MGAT4B: variants seen among roughly 807,000 people sequenced by gnomAD.
MGAT4B encodes N-acetylglucosaminyltransferase IVb.
MGAT4B carries 38 observed loss-of-function variants against 73.9 expected under a neutral mutation model. That is an observed-to-expected ratio of 0.51 (90% CI 0.40 to 0.67). The LOEUF (loss-of-function observed/expected upper bound fraction) is 0.67, where lower values mean the gene tolerates loss of function less well. MGAT4B is among the 30% of genes least tolerant of loss of function. MGAT4B has a pLI of 0.00. For synonymous variants in MGAT4B, 373 were observed against 313.5 expected, an observed-to-expected ratio of 1.19 and a Z score of -2.01; for missense variants, 686 against 735.2, an observed-to-expected ratio of 0.93 and a Z score of 0.77.
At position 179,806,435 on chromosome 5, in the gene MGAT4B, G is replaced by A. The variant is rs1757161229; in HGVS notation, c.97+52C>T. 7 of 1,119,536 alleles carry A rather than the reference G, an allele frequency of 6.3e-6. No homozygotes were observed. The highest frequency in any genetic ancestry group is 2.9e-5 in the South Asian group (1 of 34,536). 69.4% of individuals were successfully genotyped at this position (1,119,536 alleles called of 1,614,324 possible). A position where few individuals can be genotyped will look rare whatever the true frequency, so the allele number is the denominator to read the frequency against. On this transcript the variant is annotated intron_variant, in intron 1 of 14. Coordinates refer to ENST00000292591, the MANE Select transcript of MGAT4B (RefSeq NM_014275.5). This position sits in a 1 kb window ranked among gnomAD's most constrained non-coding sequence, Gnocchi z 4.6. ...CGCGGCCACCGCCGGGCCCGCTCCC[G>A]CCGCCGACGCCCAGGTGCGCCAGGT...
intron 1 of MGAT4B, among the ~76,000 whole-genome samples, chr5:179,804,155 C>A (rs1757051058): frequency 6.6e-6 from 1 of 152,250 alleles, no homozygotes; most frequent in Non-Finnish European, 1.5e-5. Flanking sequence ...GTTCCCCCTG[C>A]TTCCCTCTTG....
At chr5:179,802,880 T>C (rs981961965) in intron 1 of MGAT4B, 3 of 985,384 alleles carry the variant, frequency 3.0e-6, no homozygotes, top group Non-Finnish European at 3.6e-6. Context: ...TGAAAACCTA[T>C]GTGGCCTACA....
At position 179,799,205 on chromosome 5, in the gene MGAT4B, T is replaced by G; in HGVS notation, c.1147A>C (p.Lys383Gln). Residue 383 changes from lysine to glutamine, a missense_variant and splice_region_variant, in exon 10 of 15, where the codon AAG (lysine) becomes CAG (glutamine). Lys to Gln is a moderately conservative substitution (Grantham distance 53). Around this residue, in one of 2 missense-constraint regions of MGAT4B, gnomAD observed 449 missense variants for 536.8 expected, o/e 0.84. Coordinates refer to ENST00000292591, the MANE Select transcript of MGAT4B (RefSeq NM_014275.5). ...GGAGAGCGTGCAGTGCAGCCCACCT[T>G]CAGTTTCTGGATCTTGCCAGCCAGC... ...SSLAGKIQKLKDKDFGKQALR... is the reference protein window; with the variant it reads ...SSLAGKIQKLQDKDFGKQALR... 1 of 1,613,958 alleles carries G rather than the reference T, an allele frequency of 6.2e-7. No individual in the cohort carries two copies. Among genetic ancestry groups the G allele is most frequent in the Non-Finnish European group, 8.5e-7 (1 of 1,180,018 alleles).
In MGAT4B at chr5:179,797,677, A is replaced by G; in HGVS notation, c.*368T>C. On this transcript the variant is annotated 3_prime_UTR_variant, in exon 15 of 15. Coordinates refer to ENST00000292591, the MANE Select transcript of MGAT4B (RefSeq NM_014275.5). ...TATGTGGACTTACGTGAAAAAATCA[A>G]ATGTATCCAAGAATAAAAAACACAG... is the stretch of plus-strand genomic sequence containing the variant. The G allele has an allele frequency of 4.8e-6, 1 of 206,934 alleles. No homozygotes were observed. Among genetic ancestry groups the G allele is most frequent in the Non-Finnish European group, 9.6e-6 (1 of 104,010 alleles). The allele number at this position is 206,934 out of a possible 1,614,324, so 12.8% of individuals were successfully genotyped here.
At position 179,801,366 on chromosome 5, in the gene MGAT4B, C is replaced by T; in HGVS notation, c.526G>A (p.Glu176Lys). The T allele has an allele frequency of 6.2e-7, 1 of 1,612,552 alleles. No individual in the cohort carries two copies. Among genetic ancestry groups the T allele is most frequent in the Non-Finnish European group, 8.5e-7 (1 of 1,179,454 alleles). The change falls in exon 4 of 15, where the codon GAG (glutamate) becomes AAG (lysine). Residue 176 changes from glutamate (E) to lysine (K), a missense_variant. Glu to Lys is a moderately conservative substitution (Grantham distance 56, BLOSUM62 1). Coordinates refer to ENST00000292591, the MANE Select transcript of MGAT4B (RefSeq NM_014275.5). This position sits in a 1 kb window ranked among gnomAD's most constrained non-coding sequence, Gnocchi z 4.8. ...LISELSPQEK[E>K]DSVIVVLIAE... ...ATCAGCACCACGATGACCGAGTCCT[C>T]CTTCTCCTGCGGGCTCAGCTCGGAG...
intron 1 of MGAT4B, chr5:179,802,328 G>A: frequency 7.4e-7 from 1 of 1,353,426 alleles, no homozygotes; most frequent in South Asian, 2.0e-5. Flanking sequence ...GGCCTCCAAA[G>A]CCCACTCTTG....
chr5:179,803,382 G>T (rs537914396), intron 1 of MGAT4B: 4 of 559,042 alleles, frequency 7.2e-6, no homozygotes, highest in East Asian at 2.9e-4. Flanking sequence ...CTAACCCCTT[G>T]AATGCAGAGC....
rs759609910 is a variant in MGAT4B at position 179,801,992 on chromosome 5, C to T, written c.98-23G>A. On this transcript the variant is annotated intron_variant, in intron 1 of 14. Transcript: ENST00000292591. The surrounding 1 kb of genome is among the most constrained non-coding windows in gnomAD (Gnocchi z 4.8). ...CGCCTGCAGGTGGTAGGCAAGCCGT[C>T]ACGAGGGGGCGGTCTAGAGCCACCC... is the stretch of plus-strand genomic sequence containing the variant. The T allele has an allele frequency of 6.2e-7, 1 of 1,613,464 alleles. No individual in the cohort carries two copies. Among genetic ancestry groups the T allele is most frequent in the Non-Finnish European group, 8.5e-7 (1 of 1,180,018 alleles).
At chr5:179,805,250 A>G (rs1757093917) in intron 1 of MGAT4B, 1 of 152,268 alleles carries the variant, frequency 6.6e-6, no homozygotes, top group Non-Finnish European at 1.5e-5. Context: ...CTCAAAGAGC[A>G]TGCCCCAGCC....
At chr5:179,800,143 G>A (rs375490112) in intron 7 of MGAT4B, 41 bp downstream of exon 7, 94 of 1,610,496 alleles carry the variant, frequency 5.8e-5, no homozygotes, top group Middle Eastern at 1.6e-4. Context: ...AGGGCAGGGC[G>A]GCGCAGGGCA....
chr5:179,801,245 G>C lies in MGAT4B; in HGVS notation c.558+89C>G. 1 of 1,469,754 alleles carries C rather than the reference G, an allele frequency of 6.8e-7. No homozygotes were observed. The highest frequency in any genetic ancestry group is 9.0e-7 in the Non-Finnish European group (1 of 1,106,964). 91.0% of individuals were successfully genotyped at this position (1,469,754 alleles called of 1,614,324 possible). A position where few individuals can be genotyped will look rare whatever the true frequency, so the allele number is the denominator to read the frequency against. ...GAAACTAGCAACTGAACTTCCGACA[G>C]CTTTCTCCTCGGAATGGTTCCTGCT... On this transcript the variant is annotated intron_variant, in intron 4 of 14. Coordinates refer to ENST00000292591, the MANE Select transcript of MGAT4B (RefSeq NM_014275.5). The surrounding 1 kb of genome is among the most constrained non-coding windows in gnomAD (Gnocchi z 4.8).
In MGAT4B at chr5:179,797,652, T is replaced by C. The variant is rs1756700941; in HGVS notation, c.*393A>G. ...TACAAGTCACGCTCTTATAGAAGTA[T>C]ATGTGGACTTACGTGAAAAAATCAA... On this transcript the variant is annotated 3_prime_UTR_variant, in exon 15 of 15. Coordinates refer to ENST00000292591, the MANE Select transcript of MGAT4B (RefSeq NM_014275.5). The C allele has an allele frequency of 5.3e-6, 1 of 188,100 alleles. No individual in the cohort carries two copies. Among genetic ancestry groups the C allele is most frequent in the Non-Finnish European group, 1.1e-5 (1 of 91,712 alleles). 11.7% of individuals were successfully genotyped at this position (188,100 alleles called of 1,614,324 possible). A position where few individuals can be genotyped will look rare whatever the true frequency, so the allele number is the denominator to read the frequency against.
chr5:179,800,710 C>T, intron 5 of MGAT4B, 113 bp from the exon 6 acceptor site: 1 of 1,043,620 alleles, frequency 9.6e-7, no homozygotes, highest in Non-Finnish European at 1.4e-6. Flanking sequence ...CCCCACCACC[C>T]CCTACACCCA....
intron 1 of MGAT4B, chr5:179,802,173 T>C: frequency 6.7e-7 from 1 of 1,502,384 alleles, no homozygotes; most frequent in Non-Finnish European, 8.8e-7. Context: ...CCAGGGGAAT[T>C]AGCCCTCTTC....
rs1169703459 is a variant in MGAT4B at position 179,799,868 on chromosome 5, TCACAGTGGA to T, written c.910+77_910+85del. ...AGGCAGGGCCCACCTGGGCAAAGGC[TCACAGTGGA>T]CACAGTGGGACTGGGAGAGAGGATG... On this transcript the variant is annotated intron_variant, in intron 8 of 14. Transcript: ENST00000292591. The T allele has an allele frequency of 7.2e-6, 10 of 1,393,406 alleles. No homozygotes were observed. The Admixed American group carries it at 1.4e-4, about 19-fold the overall frequency. The allele number at this position is 1,393,406 out of a possible 1,614,324, so 86.3% of individuals were successfully genotyped here. A position where few individuals can be genotyped will look rare whatever the true frequency, so the allele number is the denominator to read the frequency against.
Position 179,799,254 on chromosome 5 carries a change from G to A in MGAT4B, c.1098C>T (p.Phe366=). Residue 366 remains phenylalanine, a synonymous_variant, in exon 10 of 15, where the codon TTC becomes TTT. Coordinates refer to ENST00000292591, the MANE Select transcript of MGAT4B (RefSeq NM_014275.5). Reference sequence around the variant, plus strand: ...GCGAGGAGTGAGTGCCCACGTGCTGGAAGAGGGACGGTTTGAAGCGGATCC... The same window carrying A: ...GCGAGGAGTGAGTGCCCACGTGCTGAAAGAGGGACGGTTTGAAGCGGATCC... ...NLRIRFKPSL[F]QHVGTHSSLA... is the part of the protein sequence containing the mutation. The A allele has an allele frequency of 6.2e-7, 1 of 1,614,034 alleles. No individual in the cohort carries two copies.
In MGAT4B at chr5:179,799,063, A is replaced by G. The variant is rs1260501514; in HGVS notation, c.1208T>C (p.Val403Ala). The G allele has an allele frequency of 6.2e-7, 1 of 1,613,768 alleles. No individual in the cohort carries two copies. Among genetic ancestry groups the G allele is most frequent in the Non-Finnish European group, 8.5e-7 (1 of 1,180,016 alleles). The change falls in exon 11 of 15, where the codon GTG becomes GCG. Residue 403 changes from valine to alanine, a missense_variant. Val to Ala is a moderately conservative substitution (Grantham distance 64). Around this residue, in one of 2 missense-constraint regions of MGAT4B, gnomAD observed 449 missense variants for 536.8 expected, o/e 0.84. Coordinates refer to ENST00000292591, the MANE Select transcript of MGAT4B (RefSeq NM_014275.5). ...RKEHVNPPAE[V>A]STSLKTYQHF... ...CTGGTATGTCTTCAGGCTCGTGCTC[A>G]CCTCTGCTGGCGGGTTCACATGCTC...
At chr5:179,802,879 A>G (rs536982071) in intron 1 of MGAT4B, 95 of 985,342 alleles carry the variant, frequency 9.6e-5, no homozygotes, top group East Asian at 5.7e-4. Context: ...CTGAAAACCT[A>G]TGTGGCCTAC....
rs945990843 is a variant in MGAT4B, at chr5:179,806,712, G to T, written c.-129C>A. ...CCCCGGCCCCGGGTCGGGGAGGGGC[G>T]GGGGGCCCGGGGCCGGGCGGGGACC... is the stretch of plus-strand genomic sequence containing the variant. On this transcript the variant is annotated 5_prime_UTR_variant, in exon 1 of 15. Coordinates refer to ENST00000292591, the MANE Select transcript of MGAT4B (RefSeq NM_014275.5). The surrounding 1 kb of genome is among the most constrained non-coding windows in gnomAD (Gnocchi z 4.6). 2.2e-5 allele frequency: 4 copies of T among 183,148 alleles called. No homozygotes were observed. Among genetic ancestry groups the T allele is most frequent in the South Asian group, 1.6e-4 (1 of 6,108 alleles). The allele number at this position is 183,148 out of a possible 1,614,324, so 11.3% of individuals were successfully genotyped here.
Sources: allele counts gnomAD v4.1 joint callset (sites outside exome capture counted in the v4.1 genomes callset), GRCh38; gene constraint gnomAD v4.1.1; regional missense constraint gnomAD v4.1.1; non-coding constraint Gnocchi (gnomAD v3.1); transcripts MANE v1.5; gene names NCBI Gene and HGNC (gene_info 2026-07-23, HGNC 2026-07-21).